Variants in COBLL1 observed in about 807,000 individuals in gnomAD.
COBLL1 encodes the protein cordon-bleu WH2 repeat protein like 1.
COBLL1 carries 50 observed loss-of-function variants against 94.8 expected under a neutral mutation model. The observed-to-expected ratio is 0.53, with a 90% CI of 0.42 to 0.67. The LOEUF (loss-of-function observed/expected upper bound fraction) is 0.67. Ranked by LOEUF, COBLL1 falls within the 30% of genes least tolerant of loss-of-function variation. COBLL1 has a pLI of 0.00. For synonymous variants in COBLL1, 448 were observed against 473.8 expected (o/e 0.95, Z 0.71); for missense variants, 1,362 against 1,348.7 (o/e 1.01, Z -0.15).
At chr2:164,709,000 T>C (rs1265493822) in intron 7 of COBLL1, among the ~76,000 whole-genome samples, 2 of 152,110 alleles carry the variant, frequency 1.3e-5, no homozygotes, top group Non-Finnish European at 2.9e-5. Flanking sequence ...TTGGTTATAA[T>C]AAAGCAGACA....
intron 2 of COBLL1, among the ~76,000 whole-genome samples, chr2:164,805,843 T>A (rs1442240294): frequency 2.0e-5 from 3 of 152,174 alleles, no homozygotes; most frequent in Non-Finnish European, 2.9e-5. Context: ...TTTGGGTAAC[T>A]ACTAAGGAAC....
intron 2 of COBLL1, among the ~76,000 whole-genome samples, chr2:164,796,996 G>A (rs772176876): frequency 1.5e-4 from 23 of 152,118 alleles, no homozygotes; most frequent in Non-Finnish European, 2.8e-4. Context: ...TTAAAGAGAA[G>A]AGAAAGGGAT....
chr2:164,815,934 T>C (rs376707712), intron 2 of COBLL1, among the ~76,000 whole-genome samples: 1 of 152,104 alleles, frequency 6.6e-6, no homozygotes, highest in African/African-American at 2.4e-5. Flanking sequence ...GAAATCCTAA[T>C]TATGGAAAAA....
At chr2:164,775,973 A>G (rs1346504201) in intron 2 of COBLL1, among the ~76,000 whole-genome samples, 2 of 152,054 alleles carry the variant, frequency 1.3e-5, no homozygotes, top group African/African-American at 2.4e-5. Flanking sequence ...AACAGCCCCA[A>G]TACAGTCCCA....
At chr2:164,792,276 GCAC>G (rs1376005448) in intron 2 of COBLL1, among the ~76,000 whole-genome samples, 1 of 151,894 alleles carries the variant, frequency 6.6e-6, no homozygotes, top group Non-Finnish European at 1.5e-5. Flanking sequence ...CTACAGGTGT[GCAC>G]CACCACACCT....
At chr2:164,701,119 T>C (rs1684233882) in intron 9 of COBLL1, among the ~76,000 whole-genome samples, 3 of 152,240 alleles carry the variant, frequency 2.0e-5, no homozygotes, top group African/African-American at 7.2e-5. Flanking sequence ...AAATTAATAA[T>C]TTTAAAAGTG....
chr2:164,677,186 C>T (rs553437203), downstream of COBLL1, among the ~76,000 whole-genome samples: 36 of 152,220 alleles, frequency 2.4e-4, no homozygotes, highest in African/African-American at 6.3e-4. Context: ...AAATTTTTGT[C>T]CTTGACATTT....
chr2:164,762,549 T>C (rs1687733669), intron 2 of COBLL1, among the ~76,000 whole-genome samples: 1 of 152,186 alleles, frequency 6.6e-6, no homozygotes, highest in Admixed American at 6.5e-5. Context: ...GTTTAATCAA[T>C]ATATCAAATG....
chr2:164,779,121 T>G (rs55908025), intron 2 of COBLL1, among the ~76,000 whole-genome samples: 17,381 of 150,688 alleles, frequency 0.12, 1,330 homozygotes, highest in Admixed American at 0.18. Flanking sequence ...TTGTTGTTGT[T>G]TTGTTTTTCC....
chr2:164,757,481 C>A (rs926136091), intron 2 of COBLL1, among the ~76,000 whole-genome samples: 6 of 151,964 alleles, frequency 3.9e-5, no homozygotes, highest in African/African-American at 1.4e-4. Context: ...CAAAAATGAT[C>A]TTTTACTTTA....
intron 2 of COBLL1, among the ~76,000 whole-genome samples, chr2:164,791,212 G>A (rs1015815502): frequency 3.3e-5 from 5 of 152,130 alleles, no homozygotes; most frequent in African/African-American, 7.2e-5. Flanking sequence ...GAGAGCTAGA[G>A]TTTAGCTCTA....
intron 9 of COBLL1, among the ~76,000 whole-genome samples, chr2:164,701,580 T>C (rs1420835573): frequency 6.6e-6 from 1 of 152,236 alleles, no homozygotes; most frequent in Admixed American, 6.5e-5. Context: ...CCTAGCTTTT[T>C]TTCCACTTAC....
intron 1 of COBLL1, among the ~76,000 whole-genome samples, chr2:164,674,756 T>C (rs1299045638): frequency 6.6e-6 from 1 of 152,200 alleles, no homozygotes; most frequent in Admixed American, 6.5e-5. Flanking sequence ...AAAGAAGGTA[T>C]AGCATGAATA....
intron 7 of COBLL1, among the ~76,000 whole-genome samples, chr2:164,705,831 C>T (rs1002047369): frequency 6.6e-5 from 10 of 152,106 alleles, no homozygotes; most frequent in South Asian, 2.1e-4. Context: ...GTAAAGAGTT[C>T]GAGACCAGCC....
intron 2 of COBLL1, among the ~76,000 whole-genome samples, chr2:164,746,465 G>T (rs1686863011): frequency 6.6e-6 from 1 of 152,020 alleles, no homozygotes; most frequent in African/African-American, 2.4e-5. Context: ...GCCTCAACCA[G>T]AAAAGATCTG....
At chr2:164,805,355 A>ATATT (rs1684087003) in intron 2 of COBLL1, among the ~76,000 whole-genome samples, 1 of 113,108 alleles carries the variant, frequency 8.8e-6, no homozygotes, top group African/African-American at 3.5e-5. Flanking sequence ...ATATATATAT[A>ATATT]TATATATAAA....
At chr2:164,820,122 CCG>C (rs1685092184) in intron 2 of COBLL1, among the ~76,000 whole-genome samples, 1 of 104 alleles carries the variant, frequency 9.6e-3, no homozygotes, top group Non-Finnish European at 0.02. Flanking sequence ...GTGTGGGCCA[CCG>C]TGCCAGCCAC....
chr2:164,695,183 C>T lies in COBLL1; in HGVS notation c.2209G>A (p.Val737Met). Residue 737 changes from valine (V) to methionine (M), a missense_variant, in exon 12 of 14, where the codon GTG (valine) becomes ATG (methionine). Coordinates refer to ENST00000652658, the MANE Select transcript of COBLL1 (RefSeq NM_001365672.2). ...PKIGMTTYKI[V>M]PPKSLEISKD... ...GATATTTCCAAGGATTTGGGAGGCA[C>T]TATTTTATAAGTAGTCATGCCAATT... 1 of 1,613,856 alleles carries T rather than the reference C, an allele frequency of 6.2e-7. No individual in the cohort carries two copies. Among genetic ancestry groups the T allele is most frequent in the Non-Finnish European group, 8.5e-7 (1 of 1,179,904 alleles).
intron 7 of COBLL1, among the ~76,000 whole-genome samples, chr2:164,719,034 A>C (rs547394610): frequency 6.6e-6 from 1 of 152,248 alleles, no homozygotes; most frequent in South Asian, 2.1e-4. Context: ...GTGATAATTA[A>C]GAAATACAAA....
Sources: gnomAD v4.1 joint callset for allele counts (sites outside exome capture counted in the v4.1 genomes callset) on GRCh38, gnomAD v4.1.1 for gene constraint, MANE v1.5 for transcripts, NCBI Gene and HGNC (gene_info 2026-07-23, HGNC 2026-07-21) for gene names.